The following WDFY3 variants were observed in gnomAD, a reference collection of about 807,000 sequenced individuals.
WDFY3 encodes the protein WD repeat and FYVE domain containing 3.
A neutral mutation model predicts 409.6 loss-of-function variants in WDFY3; 66 were observed. That is an observed-to-expected ratio of 0.16 (90% confidence interval 0.13 to 0.20). The LOEUF (loss-of-function observed/expected upper bound fraction) is 0.20. Ranked by LOEUF, WDFY3 falls within the 10% of genes least tolerant of loss-of-function variation. The probability of loss-of-function intolerance (pLI) is 1.00; values close to 1 mark genes in which losing one functional copy is unlikely to be tolerated. For synonymous variants in WDFY3, 1,521 were observed against 1,537.1 expected, an observed-to-expected ratio of 0.99 and a Z score of 0.25; for missense variants, 3,031 against 4,298.1, an observed-to-expected ratio of 0.71 and a Z score of 8.24.
intron 30 of WDFY3, among the ~76,000 whole-genome samples, chr4:84,768,876 T>A (rs1447475875): frequency 6.6e-6 from 1 of 152,132 alleles, no homozygotes; most frequent in Non-Finnish European, 1.5e-5. Flanking sequence ...AAGTAAATAT[T>A]TTGGATAAAA....
chr4:84,736,387 T>G, intron 41 of WDFY3, 60 bp from the exon 42 acceptor site: 1 of 1,464,444 alleles, frequency 6.8e-7, no homozygotes, highest in African/African-American at 1.4e-5. Flanking sequence ...GAGTCTTACT[T>G]TAAAAACTTA....
intron 32 of WDFY3, among the ~76,000 whole-genome samples, chr4:84,758,163 A>T (rs186474794): frequency 5.2e-4 from 79 of 152,350 alleles, no homozygotes; most frequent in African/African-American, 1.9e-3. Flanking sequence ...CAAATTTTCA[A>T]TGGAAACTTT....
At chr4:84,795,630 C>T (rs539109102) in intron 19 of WDFY3, among the ~76,000 whole-genome samples, 4 of 152,078 alleles carry the variant, frequency 2.6e-5, no homozygotes, top group Non-Finnish European at 4.4e-5. Flanking sequence ...GGCGCGGTGG[C>T]GTGCGCCCAT....
intron 4 of WDFY3, among the ~76,000 whole-genome samples, chr4:84,852,059 C>T (rs936230820): frequency 6.6e-6 from 1 of 152,178 alleles, no homozygotes; most frequent in Non-Finnish European, 1.5e-5. Context: ...TACCTTTTCA[C>T]TTAAAGGAAG....
intron 1 of WDFY3, among the ~76,000 whole-genome samples, chr4:84,961,162 C>T (rs1774869957): frequency 6.7e-6 from 1 of 148,764 alleles, no homozygotes; most frequent in Admixed American, 6.8e-5. Context: ...CTGCAGTGAG[C>T]TGAGATCATG....
intron 16 of WDFY3, among the ~76,000 whole-genome samples, chr4:84,802,091 G>T (rs997433793): frequency 6.6e-6 from 1 of 151,674 alleles, no homozygotes; most frequent in Non-Finnish European, 1.5e-5. Flanking sequence ...GGGATAACAG[G>T]CGCCCACCAC....
intron 9 of WDFY3, 126 bp from the exon 10 acceptor site, chr4:84,827,107 G>C: frequency 1.1e-6 from 1 of 898,604 alleles, no homozygotes. Flanking sequence ...AGTACTGAAA[G>C]AACACTGGGG....
rs528727447 is a variant in WDFY3, at chr4:84,709,973, C to T, written c.8043-626G>A. Among the ~76,000 whole-genome samples, 163 of 152,296 alleles carry T rather than the reference C, an allele frequency of 1.1e-3. 2 individuals carry two copies. Among genetic ancestry groups the T allele is most frequent in the African/African-American group, 3.6e-3 (151 of 41,584 alleles). On this transcript the variant is annotated intron_variant, in intron 51 of 67. Coordinates refer to ENST00000295888, the MANE Select transcript of WDFY3 (RefSeq NM_014991.6). ...CTGACCTCAGGTGATCCTCCCACCT[C>T]GGCCTCCCAAAGTGCTAGGATTACA...
intron 53 of WDFY3, 68 bp downstream of exon 53, chr4:84,708,841 T>G: frequency 1.3e-6 from 2 of 1,563,696 alleles, no homozygotes; most frequent in East Asian, 4.5e-5. Flanking sequence ...GCACCCCACT[T>G]CAATTGTCGT....
At chr4:84,736,143 A>G in intron 42 of WDFY3, 27 bp downstream of exon 42, 16 of 1,596,002 alleles carry the variant, frequency 1.0e-5, no homozygotes, top group Non-Finnish European at 1.3e-5. Flanking sequence ...ACTACAACTA[A>G]TATCAGCAAT....
At chr4:84,931,155 C>A (rs1325161655) in intron 2 of WDFY3, among the ~76,000 whole-genome samples, 1 of 152,118 alleles carries the variant, frequency 6.6e-6, no homozygotes, top group East Asian at 1.9e-4. Context: ...TGGAACATAT[C>A]CCTCTCTGAT....
Position 84,820,191 on chromosome 4 carries a change from A to G in WDFY3, c.1592-5T>C. On this transcript the variant is annotated splice_polypyrimidine_tract_variant and splice_region_variant and intron_variant, in intron 11 of 67. Coordinates refer to ENST00000295888, the MANE Select transcript of WDFY3 (RefSeq NM_014991.6). ...AACTATTATTTCTTGAGTCCCCTAA[A>G]AAAAGGTTCAAAGGTCCAAATTACA... 1 of 1,600,138 alleles carries G rather than the reference A, an allele frequency of 6.2e-7. No homozygotes were observed. The highest frequency in any genetic ancestry group is 8.5e-7 in the Non-Finnish European group (1 of 1,173,826).
In WDFY3 at chr4:84,679,203, G is replaced by A; in HGVS notation, c.9863C>T (p.Ala3288Val). 1 of 1,590,726 alleles carries A rather than the reference G, an allele frequency of 6.3e-7. No individual in the cohort carries two copies. The highest frequency in any genetic ancestry group is 8.6e-7 in the Non-Finnish European group (1 of 1,165,708). ...GTCCTGGCTGATGCTCTGCTCATCT[G>A]CTTCTGAATCACTGCTGTCCTCGTC... ...AQDEDSSDSE[A>V]DEQSISQDPK... Residue 3288 changes from alanine to valine, a missense_variant, in exon 65 of 68, where the codon GCA becomes GTA. Around this residue, in one of 16 missense-constraint regions of WDFY3, gnomAD observed 378 missense variants for 477.3 expected, o/e 0.79. Transcript: ENST00000295888.
intron 5 of WDFY3, among the ~76,000 whole-genome samples, chr4:84,845,681 A>G (rs1232366454): frequency 6.6e-6 from 1 of 152,184 alleles, no homozygotes; most frequent in African/African-American, 2.4e-5. Context: ...AGAACTTTTT[A>G]CTAGAAAAAT....
In WDFY3 at chr4:84,821,473, T is replaced by A; in HGVS notation, c.1202A>T (p.Gln401Leu). ...ATTTGTGATAGCATCAAGGATGATT[T>A]GGGCAAGGAAGCTGGTTTTTGCTTT... ...FLKAKTSFLA[Q>L]IILDAITNIY... Residue 401 changes from glutamine to leucine, a missense_variant, in exon 11 of 68, where the codon CAA becomes CTA. Gln to Leu is a moderately radical substitution (Grantham distance 113). Transcript: ENST00000295888. 6.2e-7 allele frequency: 1 copy of A among 1,613,892 alleles called. No homozygotes were observed.
intron 66 of WDFY3, 36 bp from the exon 67 acceptor site, chr4:84,677,432 A>G (rs1376670461): frequency 3.3e-6 from 5 of 1,529,696 alleles, no homozygotes; most frequent in African/African-American, 1.4e-5. Context: ...CACTGCACGG[A>G]AGGCTTCTGT....
intron 50 of WDFY3, 85 bp downstream of exon 50, chr4:84,715,213 T>C: frequency 1.3e-6 from 1 of 744,340 alleles, no homozygotes; most frequent in Non-Finnish European, 2.2e-6. Context: ...TGATCTAGAT[T>C]TTTAAAAACC....
chr4:84,841,385 T>C (rs1173467297), intron 5 of WDFY3, 122 bp from the exon 6 acceptor site: 3 of 756,684 alleles, frequency 4.0e-6, no homozygotes, highest in East Asian at 2.8e-5. Flanking sequence ...CACTATTACA[T>C]ATAGAAAAAC....
rs778272587 is a variant in WDFY3 at position 84,808,369 on chromosome 4, G to A, written c.2394C>T (p.Pro798=). Residue 798 remains proline, a synonymous_variant, in exon 15 of 68, where the codon CCC becomes CCT. Transcript: ENST00000295888. ...ACAAAGCTGGTGTACCCCAAGGAGA[G>A]GGGAGAGAAGACTCACTTGTCAGGC... ...PPCLTSESSL[P]SPWGTPALSR... The A allele has an allele frequency of 4.3e-6, 7 of 1,613,790 alleles. No homozygotes were observed. The highest frequency in any genetic ancestry group is 5.1e-6 in the Non-Finnish European group (6 of 1,179,852).
Sources: gnomAD v4.1 joint callset for allele counts (sites outside exome capture counted in the v4.1 genomes callset) on GRCh38, gnomAD v4.1.1 for gene constraint, gnomAD v4.1.1 regional missense constraint, MANE v1.5 for transcripts, NCBI Gene and HGNC (gene_info 2026-07-23, HGNC 2026-07-21) for gene names.